The following AP1M1 variants were observed in gnomAD, a reference collection of about 807,000 sequenced individuals.
AP1M1 encodes adaptor related protein complex 1 subunit mu 1, also known as AP-1 complex subunit mu-1.
In AP1M1, 18 loss-of-function variants were observed where a neutral mutation model predicts 57.1. The observed-to-expected ratio is 0.32, with a 90% CI of 0.22 to 0.47. The LOEUF is 0.47. Ranked by LOEUF, AP1M1 falls within the 20% of genes least tolerant of loss-of-function variation. The pLI is 1.00. For missense variants in AP1M1, 362 were observed against 593.5 expected (o/e 0.61, Z 4.05); for synonymous variants, 241 against 237.9 (o/e 1.01, Z -0.12).
rs745731808 is a variant in AP1M1 at position 16,227,501 on chromosome 19, G to C, written c.674-47G>C. ...AGGTGGTAGGAGTACTGCTGAGATAGTGACCCGGAGGGCCCAGATCTGTCC... is the reference window on the plus strand; with the variant it reads ...AGGTGGTAGGAGTACTGCTGAGATACTGACCCGGAGGGCCCAGATCTGTCC... On this transcript the variant is annotated intron_variant, in intron 6 of 11. Coordinates refer to ENST00000291439, the MANE Select transcript of AP1M1 (RefSeq NM_032493.4). The surrounding 1 kb of genome is among the most constrained non-coding windows in gnomAD (Gnocchi z 6.2). 6.3e-7 allele frequency: 1 copy of C among 1,592,118 alleles called. No individual in the cohort carries two copies. Among genetic ancestry groups the C allele is most frequent in the African/African-American group, 1.3e-5 (1 of 74,652 alleles).
intron 10 of AP1M1, 30 bp from the exon 11 acceptor site, chr19:16,234,169 G>T: frequency 2.5e-6 from 4 of 1,600,978 alleles, no homozygotes; most frequent in Non-Finnish European, 2.6e-6. Flanking sequence ...GGAGCCTGCG[G>T]TGCTCAGGGC....
At position 16,236,572 on chromosome 19, in the gene AP1M1, C is replaced by T. The variant is rs1237023450; in HGVS notation, c.*2137C>T. ...GACTCCTGCGTGAAGCTGGGATCCT[C>T]GAGGGTCATGATACTTAACAGTAAA... On this transcript the variant is annotated 3_prime_UTR_variant, in exon 12 of 12. Coordinates refer to ENST00000291439, the MANE Select transcript of AP1M1 (RefSeq NM_032493.4). 3 of 152,066 alleles carry T rather than the reference C, an allele frequency of 2.0e-5. No homozygotes were observed. The highest frequency in any genetic ancestry group is 2.1e-4 in the South Asian group (1 of 4,828). 9.4% of individuals were successfully genotyped at this position (152,066 alleles called of 1,614,324 possible). A position where few individuals can be genotyped will look rare whatever the true frequency, so the allele number is the denominator to read the frequency against.
At chr19:16,202,684 A>G (rs563388514) in intron 1 of AP1M1, among the ~76,000 whole-genome samples, 79 of 152,366 alleles carry the variant, frequency 5.2e-4, no homozygotes, top group Non-Finnish European at 7.9e-4. Context: ...TTGCTGAGGC[A>G]TGCTTCTCAT....
rs770895102 is a variant in AP1M1, at chr19:16,198,038, C to T, written c.12C>T (p.Ser4=). MSA[S]AVYVLDLKGK... ...CTCCTGCAGCCATCATGTCCGCCAG[C>T]GCCGTCTACGTGCTGGACCTGAAGG... Residue 4 remains serine (S), a synonymous_variant, in exon 1 of 12, where the codon AGC becomes AGT. Coordinates refer to ENST00000291439, the MANE Select transcript of AP1M1 (RefSeq NM_032493.4). 7 of 1,601,310 alleles carry T rather than the reference C, an allele frequency of 4.4e-6. No homozygotes were observed. In the African/African-American group the frequency reaches 5.5e-5, roughly 13 times the overall value.
chr19:16,228,844 C>T lies in AP1M1; in HGVS notation c.963C>T (p.Asp321=). The change falls in exon 9 of 12, where the codon GAC becomes GAT. Residue 321 remains aspartate, a synonymous_variant. Transcript: ENST00000291439. This position sits in a 1 kb window ranked among gnomAD's most constrained non-coding sequence, Gnocchi z 5.0. ...EIHIPVPNDA[D]SPKFKTTVGS... ...ACATTCCCGTGCCCAATGATGCCGA[C>T]TCACCCAAGTTCAAGACGACGGTGG... The T allele has an allele frequency of 1.2e-6, 2 of 1,614,210 alleles. No homozygotes were observed. The highest frequency in any genetic ancestry group is 1.3e-5 in the African/African-American group (1 of 75,058).
In AP1M1 at chr19:16,237,165, G is replaced by A. The variant is rs1049793025; in HGVS notation, c.*2730G>A. 3 of 152,252 alleles carry A rather than the reference G, an allele frequency of 2.0e-5. No individual in the cohort carries two copies. Among genetic ancestry groups the A allele is most frequent in the African/African-American group, 7.2e-5 (3 of 41,458 alleles). 9.4% of individuals were successfully genotyped at this position (152,252 alleles called of 1,614,324 possible). On this transcript the variant is annotated 3_prime_UTR_variant, in exon 12 of 12. Transcript: ENST00000291439. ...TGGCGACCGTTCGGCCAGGCGTGGT[G>A]GCTCACGCCCGTGAGCCCAATACTT... is the stretch of plus-strand genomic sequence containing the variant.
At position 16,228,548 on chromosome 19, in the gene AP1M1, C is replaced by T. The variant is rs556300494; in HGVS notation, c.889-222C>T. Among the ~76,000 whole-genome samples, 1 of 152,224 alleles carries T rather than the reference C, an allele frequency of 6.6e-6. No individual in the cohort carries two copies. The highest frequency in any genetic ancestry group is 6.5e-5 in the Admixed American group (1 of 15,300). On this transcript the variant is annotated intron_variant, in intron 8 of 11. Coordinates refer to ENST00000291439, the MANE Select transcript of AP1M1 (RefSeq NM_032493.4). This position sits in a 1 kb window ranked among gnomAD's most constrained non-coding sequence, Gnocchi z 5.0. ...CAGGGCAGAGGGAGGGATGAGGAGC[C>T]TTGGAAGCTGAGCAGACAGGAGGAT...
intron 1 of AP1M1, 92 bp downstream of exon 1, chr19:16,198,160 T>C: frequency 6.9e-7 from 1 of 1,451,118 alleles, no homozygotes; most frequent in Admixed American, 1.9e-5. Context: ...AACCGGCTTA[T>C]GAGCCCCATC....
chr19:16,209,260 G>A (rs2091483209), intron 5 of AP1M1, 83 bp downstream of exon 5: 2 of 1,518,856 alleles, frequency 1.3e-6, no homozygotes, highest in Non-Finnish European at 1.8e-6. Flanking sequence ...AACTGGCAAA[G>A]CCCCGAGAGC....
In AP1M1 at chr19:16,240,450, G is replaced by GT. The variant is rs2091641777; in HGVS notation, c.*6021dup. ...CCAAAATTAATGAAAATCTTGAAGT[G>GT]TTTTTTGTTTTTCATTTTGACGGAG... On this transcript the variant is annotated 3_prime_UTR_variant, in exon 12 of 12. Transcript: ENST00000291439. 6.6e-6 allele frequency: 1 copy of GT among 152,072 alleles called. No homozygotes were observed. Among genetic ancestry groups the GT allele is most frequent in the Non-Finnish European group, 1.5e-5 (1 of 68,014 alleles). 9.4% of individuals were successfully genotyped at this position (152,072 alleles called of 1,614,324 possible). A position where few individuals can be genotyped will look rare whatever the true frequency, so the allele number is the denominator to read the frequency against.
At chr19:16,201,052 G>A (rs2091444786) in intron 1 of AP1M1, among the ~76,000 whole-genome samples, 2 of 152,250 alleles carry the variant, frequency 1.3e-5, no homozygotes, top group South Asian at 4.1e-4. Flanking sequence ...TCTTCTAAAT[G>A]CACTCCCTGT....
At chr19:16,220,407 T>C (rs2145130308) in intron 5 of AP1M1, among the ~76,000 whole-genome samples, 1 of 152,096 alleles carries the variant, frequency 6.6e-6, no homozygotes, top group East Asian at 1.9e-4. Flanking sequence ...TGTGTTTTTT[T>C]TGAGACAGAG....
At chr19:16,205,008 T>C (rs1487704727) in intron 2 of AP1M1, among the ~76,000 whole-genome samples, 1 of 151,936 alleles carries the variant, frequency 6.6e-6, no homozygotes, top group Non-Finnish European at 1.5e-5. Context: ...TTTTTTTGTA[T>C]TTTTTTAGTA....
chr19:16,205,935 G>A (rs1368806595), intron 2 of AP1M1, among the ~76,000 whole-genome samples: 2 of 152,278 alleles, frequency 1.3e-5, no homozygotes, highest in Middle Eastern at 3.4e-3. Flanking sequence ...GAGTCTGGCC[G>A]GGGGACCCTG....
intron 5 of AP1M1, among the ~76,000 whole-genome samples, chr19:16,220,982 G>A (rs2084418699): frequency 1.3e-5 from 2 of 152,132 alleles, no homozygotes; most frequent in African/African-American, 4.8e-5. Context: ...TTTGCCTTTA[G>A]TTTCAGCAGT....
chr19:16,204,320 T>C (rs905302970), intron 2 of AP1M1, among the ~76,000 whole-genome samples: 42 of 149,662 alleles, frequency 2.8e-4, no homozygotes, highest in African/African-American at 9.4e-4. Flanking sequence ...ATCCAGGAGG[T>C]CTAACTGGCC....
chr19:16,209,286 CAGAT>C (rs2091483320), intron 5 of AP1M1, 109 bp downstream of exon 5: 1 of 1,265,354 alleles, frequency 7.9e-7, no homozygotes, highest in Non-Finnish European at 1.1e-6. Context: ...TGTGTGGTAA[CAGAT>C]AGCAGGATTC....
rs200530461 is a variant in AP1M1, at chr19:16,237,739, GAAAA to G, written c.*3311_*3314del. 8.4e-5 allele frequency: 12 copies of G among 142,812 alleles called. No homozygotes were observed. In the South Asian group the frequency reaches 2.0e-3, roughly 24 times the overall value. The allele number at this position is 142,812 out of a possible 1,614,324, so 8.8% of individuals were successfully genotyped here. A position where few individuals can be genotyped will look rare whatever the true frequency, so the allele number is the denominator to read the frequency against. The stretch of plus-strand genomic sequence containing the variant: ...AACAGAGCAAGACTTCATCTCAAAA[GAAAA>G]AAAAAAGGCAAACGTTCAACCATGT... On this transcript the variant is annotated 3_prime_UTR_variant, in exon 12 of 12. Coordinates refer to ENST00000291439, the MANE Select transcript of AP1M1 (RefSeq NM_032493.4).
chr19:16,224,436 G>A (rs1293613125), intron 5 of AP1M1, among the ~76,000 whole-genome samples: 1 of 152,250 alleles, frequency 6.6e-6, no homozygotes, highest in Non-Finnish European at 1.5e-5. Context: ...ACCTTCCTAA[G>A]TGGCTTGCAG....
Sources: allele counts gnomAD v4.1 joint callset (sites outside exome capture counted in the v4.1 genomes callset), GRCh38; gene constraint gnomAD v4.1.1; non-coding constraint Gnocchi (gnomAD v3.1); transcripts MANE v1.5; gene names NCBI Gene and HGNC (gene_info 2026-07-23, HGNC 2026-07-21).